Variants in PDE8B observed in about 807,000 individuals in gnomAD.
The protein encoded by PDE8B is phosphodiesterase 8B.
Under a neutral mutation model 101.3 loss-of-function variants are expected in PDE8B, and 26 were observed. The observed-to-expected ratio is 0.26, with a 90% confidence interval of 0.19 to 0.36. The LOEUF (loss-of-function observed/expected upper bound fraction) is 0.36, where lower values mean the gene tolerates loss of function less well. Among genes scored for constraint, PDE8B ranks in the 10% least tolerant of loss-of-function variants. The probability of loss-of-function intolerance (pLI) is 1.00; values close to 1 mark genes in which losing one functional copy is unlikely to be tolerated. For synonymous variants in PDE8B, 424 were observed against 429.3 expected (o/e 0.99, Z 0.15); for missense variants, 810 against 1,163.1 (o/e 0.70, Z 4.42).
intron 1 of PDE8B, among the ~76,000 whole-genome samples, chr5:77,261,410 G>C (rs1200751112): frequency 2.0e-5 from 3 of 152,198 alleles, no homozygotes; most frequent in Non-Finnish European, 4.4e-5. Context: ...GGTTAACCAA[G>C]ATGAAATTAA....
chr5:77,099,397 G>A, the PDE8B span, among the ~76,000 whole-genome samples: 1 of 152,186 alleles, frequency 6.6e-6, no homozygotes, highest in South Asian at 2.1e-4. Flanking sequence ...GATTCAGCCT[G>A]TTCAATATGT....
Position 77,411,610 on chromosome 5 carries a change from T to TAA in PDE8B, c.1531-56_1531-55dup, listed in dbSNP as rs572664482. The TAA allele has an allele frequency of 5.5e-4, 579 of 1,059,344 alleles. 3 individuals are homozygous for TAA. In the African/African-American group the frequency reaches 6.1e-3, roughly 11 times the overall value. 65.6% of individuals were successfully genotyped at this position (1,059,344 alleles called of 1,614,324 possible). A position where few individuals can be genotyped will look rare whatever the true frequency, so the allele number is the denominator to read the frequency against. On this transcript the variant is annotated intron_variant, in intron 14 of 21. Coordinates refer to ENST00000264917, the MANE Select transcript of PDE8B (RefSeq NM_003719.5). Reference sequence around the variant, plus strand: ...GGATTCAAATCTCTTTCACTAATAATAAAAAAAAAAAGAGAATGATAATAG... The same window carrying TAA: ...GGATTCAAATCTCTTTCACTAATAATAAAAAAAAAAAAAGAGAATGATAATAG...
the PDE8B span, among the ~76,000 whole-genome samples, chr5:77,135,313 T>C: frequency 1.3e-5 from 2 of 152,212 alleles, no homozygotes; most frequent in Non-Finnish European, 2.9e-5. Flanking sequence ...ATCTCTTGAC[T>C]ACCTAATCTC....
chr5:77,138,772 A>G, the PDE8B span, among the ~76,000 whole-genome samples: 2 of 152,082 alleles, frequency 1.3e-5, no homozygotes, highest in African/African-American at 4.8e-5. Context: ...CTATCCAACG[A>G]TCTAAAACAC....
chr5:77,378,683 C>T lies in PDE8B; in HGVS notation c.1168-21565C>T, dbSNP rs568344903. Among the ~76,000 whole-genome samples the T allele has an allele frequency of 1.5e-3, 227 of 152,192 alleles. 6 individuals carry two copies. In the South Asian group the frequency reaches 0.046, roughly 31 times the overall value. On this transcript the variant is annotated intron_variant, in intron 10 of 21. Coordinates refer to ENST00000264917, the MANE Select transcript of PDE8B (RefSeq NM_003719.5). ...AATGCCGCCGGTACACTGAGCACACCTTAAATACAAAGGCTTAATGTGTTA... is the reference window on the plus strand; with the variant it reads ...AATGCCGCCGGTACACTGAGCACACTTTAAATACAAAGGCTTAATGTGTTA...
chr5:77,171,574 C>T, the PDE8B span, among the ~76,000 whole-genome samples: 15 of 152,162 alleles, frequency 9.9e-5, no homozygotes, highest in Admixed American at 6.5e-4. Context: ...CCCTTTTCTT[C>T]GGGAATTTAT....
intron 10 of PDE8B, among the ~76,000 whole-genome samples, chr5:77,391,483 T>C (rs1416283826): frequency 6.6e-6 from 1 of 152,208 alleles, no homozygotes; most frequent in East Asian, 1.9e-4. Context: ...TGAGCCAGTC[T>C]GGGGGTGTGT....
chr5:77,225,298 T>A (rs1752088998), intron 1 of PDE8B, among the ~76,000 whole-genome samples: 1 of 152,246 alleles, frequency 6.6e-6, no homozygotes, highest in Admixed American at 6.5e-5. Flanking sequence ...TAACCAGTGA[T>A]GATTTTTGAA....
the PDE8B span, among the ~76,000 whole-genome samples, chr5:77,175,683 A>G: frequency 2.0e-5 from 3 of 152,362 alleles, no homozygotes; most frequent in East Asian, 5.8e-4. Context: ...TCATCTTACA[A>G]ATTTATCTTA....
intron 12 of PDE8B, among the ~76,000 whole-genome samples, chr5:77,405,207 G>T (rs1793174076): frequency 6.6e-6 from 1 of 152,358 alleles, no homozygotes; most frequent in African/African-American, 2.4e-5. Context: ...AAATGTCACA[G>T]AGAAATCGTG....
At chr5:77,122,481 A>G in the PDE8B span, among the ~76,000 whole-genome samples, 1 of 152,242 alleles carries the variant, frequency 6.6e-6, no homozygotes, top group Non-Finnish European at 1.5e-5. Context: ...CACCCACCTG[A>G]AAGTGGGACA....
chr5:77,349,957 T>C (rs1780785085), intron 8 of PDE8B, among the ~76,000 whole-genome samples: 1 of 152,168 alleles, frequency 6.6e-6, no homozygotes, highest in Non-Finnish European at 1.5e-5. Context: ...TTCCCAGTTT[T>C]CCTTTTCTGT....
At chr5:77,214,296 C>T (rs1749164613) in intron 1 of PDE8B, among the ~76,000 whole-genome samples, 1 of 152,194 alleles carries the variant, frequency 6.6e-6, no homozygotes, top group East Asian at 1.9e-4. Context: ...CGTCAACTTG[C>T]TATGACCTCT....
chr5:77,096,379 A>G, the PDE8B span, among the ~76,000 whole-genome samples: 1 of 152,066 alleles, frequency 6.6e-6, no homozygotes. Context: ...GTCTTAGTCC[A>G]TTTCATGCCT....
upstream of PDE8B, among the ~76,000 whole-genome samples, chr5:77,208,394 T>C (rs1747677729): frequency 6.6e-6 from 1 of 152,226 alleles, no homozygotes; most frequent in Non-Finnish European, 1.5e-5. Flanking sequence ...GCTATATGCA[T>C]TATCACAGGT....
At chr5:77,094,417 C>T in the PDE8B span, among the ~76,000 whole-genome samples, 2 of 152,176 alleles carry the variant, frequency 1.3e-5, no homozygotes, top group African/African-American at 4.8e-5. Flanking sequence ...TCAAGCAATC[C>T]TCCCACTTCA....
At chr5:77,333,900 G>A (rs1008026947) in intron 5 of PDE8B, among the ~76,000 whole-genome samples, 6 of 152,204 alleles carry the variant, frequency 3.9e-5, no homozygotes, top group East Asian at 1.9e-4. Flanking sequence ...CATGAACAGC[G>A]GTAGCTGTCA....
chr5:77,227,596 G>A (rs1476523151), intron 1 of PDE8B, among the ~76,000 whole-genome samples: 2 of 152,154 alleles, frequency 1.3e-5, no homozygotes, highest in East Asian at 3.9e-4. Context: ...GATATAAAGA[G>A]TGGAGGTGTG....
chr5:77,139,534 T>C, the PDE8B span: 1 of 152,260 alleles, frequency 6.6e-6, no homozygotes, highest in Non-Finnish European at 1.5e-5. Flanking sequence ...CACTGTCACT[T>C]CAAATATTAC....
Sources: allele counts gnomAD v4.1 joint callset (sites outside exome capture counted in the v4.1 genomes callset), GRCh38; gene constraint gnomAD v4.1.1; transcripts MANE v1.5; gene names NCBI Gene and HGNC (gene_info 2026-07-23, HGNC 2026-07-21).